The following SLC38A4 variants were observed in gnomAD, a reference collection of about 807,000 sequenced individuals.
The protein encoded by SLC38A4 is sodium-coupled neutral amino acid transporter 4.
A neutral mutation model predicts 63.1 loss-of-function variants in SLC38A4; 20 were observed. The observed-to-expected ratio is 0.32, with a 90% CI of 0.22 to 0.46. SLC38A4 has a LOEUF of 0.46. SLC38A4 is among the 20% of genes least tolerant of loss of function. SLC38A4 has a pLI of 1.00. For missense variants in SLC38A4, 526 were observed against 663.6 expected, an observed-to-expected ratio of 0.79 and a Z score of 2.28; for synonymous variants, 230 against 225.5, an observed-to-expected ratio of 1.02 and a Z score of -0.18.
intron 12 of SLC38A4, among the ~76,000 whole-genome samples, chr12:46,777,421 G>T (rs1284915392): frequency 3.9e-5 from 6 of 151,976 alleles, no homozygotes; most frequent in South Asian, 2.1e-4. Context: ...TACCTGAAAA[G>T]CTTCTGAAAA....
Position 46,778,364 on chromosome 12 carries a change from G to A in SLC38A4, c.998C>T (p.Ala333Val). Residue 333 changes from alanine (A) to valine (V), a missense_variant, in exon 12 of 17, where the codon GCC becomes GTC. Transcript: ENST00000266579. ...AAATACTAGGATAGGAATTGCATAG[G>A]CCGTCTGAAAAACAAAGACAACACC... The part of the protein sequence containing the change: ...PKYFVFNSRT[A>V]YAIPILVFAF... 1 of 1,612,606 alleles carries A rather than the reference G, an allele frequency of 6.2e-7. No homozygotes were observed.
rs1938579452 is a variant in SLC38A4 at position 46,778,674 on chromosome 12, A to G, written c.820T>C (p.Leu274=). 6.2e-7 allele frequency: 1 copy of G among 1,613,054 alleles called. No individual in the cohort carries two copies. The change falls in exon 11 of 17, where the codon TTA becomes CTA. Residue 274 remains leucine (L), a synonymous_variant. Transcript: ENST00000266579. The stretch of plus-strand genomic sequence containing the variant: ...TCAGAACTCTCAGAGTTGTTGGGTA[A>G]CATTACCACATGCATTGGAAGCGTG... ...NNTLPMHVVM[L]PNNSESSDVN...
intron 7 of SLC38A4, among the ~76,000 whole-genome samples, chr12:46,781,749 C>T (rs1938645726): frequency 1.3e-5 from 2 of 151,922 alleles, no homozygotes; most frequent in African/African-American, 4.8e-5. Flanking sequence ...ACTGAGAGAC[C>T]GCTTTATACT....
chr12:46,802,457 A>T (rs1295058402), intron 2 of SLC38A4, among the ~76,000 whole-genome samples: 2 of 152,036 alleles, frequency 1.3e-5, no homozygotes, highest in Admixed American at 6.6e-5. Context: ...TAACTAAAAA[A>T]CAGCTTCAAT....
chr12:46,794,806 T>C (rs1369896339), intron 2 of SLC38A4, among the ~76,000 whole-genome samples: 1 of 151,788 alleles, frequency 6.6e-6, no homozygotes, highest in East Asian at 1.9e-4. Context: ...TGGCAGAGAA[T>C]TGTCTAGAAA....
chr12:46,768,521 T>G, intron 15 of SLC38A4, 114 bp from the exon 16 acceptor site: 1 of 574,776 alleles, frequency 1.7e-6, no homozygotes, highest in Non-Finnish European at 2.9e-6. Context: ...TACTTAGCAC[T>G]AAAAACACAC....
chr12:46,772,855 T>C (rs1241156715), intron 14 of SLC38A4, among the ~76,000 whole-genome samples: 1 of 152,062 alleles, frequency 6.6e-6, no homozygotes, highest in African/African-American at 2.4e-5. Context: ...GTTAGTTTTA[T>C]TATTAATGTG....
intron 16 of SLC38A4, 28 bp from the exon 17 acceptor site, chr12:46,766,830 G>T: frequency 1.3e-6 from 2 of 1,481,492 alleles, no homozygotes; most frequent in Non-Finnish European, 1.9e-6. Context: ...TCTGTTAGGA[G>T]CACAGAAACC....
upstream of SLC38A4, among the ~76,000 whole-genome samples, chr12:46,828,182 C>A (rs1422701328): frequency 1.3e-5 from 2 of 152,214 alleles, no homozygotes; most frequent in Admixed American, 1.3e-4. Context: ...GCCTGGCTAA[C>A]TTTTATTTCT....
chr12:46,830,720 G>A (rs1220165737), upstream of SLC38A4, among the ~76,000 whole-genome samples: 1 of 152,180 alleles, frequency 6.6e-6, no homozygotes, highest in African/African-American at 2.4e-5. Flanking sequence ...CTGGGCTAGG[G>A]AGAGTCTGCG....
upstream of SLC38A4, among the ~76,000 whole-genome samples, chr12:46,830,409 C>A (rs1251188527): frequency 6.6e-6 from 1 of 151,838 alleles, no homozygotes; most frequent in African/African-American, 2.4e-5. Flanking sequence ...GGAACAACAA[C>A]AAAATACAAC....
chr12:46,773,313 C>G (rs1161318218), intron 14 of SLC38A4, among the ~76,000 whole-genome samples: 1 of 152,108 alleles, frequency 6.6e-6, no homozygotes, highest in Non-Finnish European at 1.5e-5. Flanking sequence ...CCCTCTGTGC[C>G]AGTCACTGTG....
At chr12:46,831,255 ACCTCT>A (rs1270384887) in intron 1 of SLC38A4, among the ~76,000 whole-genome samples, 1 of 151,406 alleles carries the variant, frequency 6.6e-6, no homozygotes, top group Non-Finnish European at 1.5e-5. Context: ...CGCGCTCGCC[ACCTCT>A]CCTGGACTCA....
At chr12:46,777,195 A>C (rs1444563248) in intron 12 of SLC38A4, among the ~76,000 whole-genome samples, 191 bp from the exon 13 acceptor site, 1 of 152,032 alleles carries the variant, frequency 6.6e-6, no homozygotes, top group African/African-American at 2.4e-5. Flanking sequence ...TTTCTTAAAC[A>C]CTAGTCCTTC....
upstream of SLC38A4, among the ~76,000 whole-genome samples, chr12:46,830,805 G>T (rs549677352): frequency 6.6e-6 from 1 of 152,236 alleles, no homozygotes; most frequent in East Asian, 1.9e-4. Flanking sequence ...TTAAGACCTC[G>T]GCATTTAATA....
intron 7 of SLC38A4, among the ~76,000 whole-genome samples, chr12:46,781,046 T>G (rs568159521): frequency 6.6e-6 from 1 of 152,184 alleles, no homozygotes; most frequent in East Asian, 1.9e-4. Flanking sequence ...TCACTTCATA[T>G]GAAAGTAACA....
At chr12:46,802,234 G>A (rs1402356305) in intron 2 of SLC38A4, among the ~76,000 whole-genome samples, 1 of 152,030 alleles carries the variant, frequency 6.6e-6, no homozygotes, top group African/African-American at 2.4e-5. Flanking sequence ...TTTTCCCAAA[G>A]AGTAGTTTCC....
intron 1 of SLC38A4, among the ~76,000 whole-genome samples, chr12:46,812,227 A>G (rs1229175068): frequency 6.6e-6 from 1 of 152,060 alleles, no homozygotes; most frequent in African/African-American, 2.4e-5. Context: ...AGATAATCAT[A>G]TTGACTTAAA....
intron 1 of SLC38A4, among the ~76,000 whole-genome samples, chr12:46,812,342 A>G (rs920947553): frequency 6.6e-6 from 1 of 151,998 alleles, no homozygotes; most frequent in Non-Finnish European, 1.5e-5. Context: ...AGGAATCCTG[A>G]GAGGAGCTTC....
Sources: gnomAD v4.1 joint callset for allele counts (sites outside exome capture counted in the v4.1 genomes callset) on GRCh38, gnomAD v4.1.1 for gene constraint, MANE v1.5 for transcripts, NCBI Gene and HGNC (gene_info 2026-07-23, HGNC 2026-07-21) for gene names.